MASP1: variants seen among roughly 807,000 people sequenced by gnomAD.
The protein encoded by MASP1 is mannan-binding lectin serine protease 1.
A neutral mutation model predicts 77.1 loss-of-function variants in MASP1; 59 were observed. The ratio of observed to expected loss-of-function variants is 0.77; its 90% CI spans 0.62 to 0.95. MASP1 has a LOEUF of 0.95. MASP1 is among the 40% of genes least tolerant of loss of function. MASP1 has a pLI of 0.00. For synonymous variants in MASP1, 362 were observed against 354.5 expected, an observed-to-expected ratio of 1.02 and a Z score of -0.24; for missense variants, 885 against 912.9, an observed-to-expected ratio of 0.97 and a Z score of 0.39.
intron 2 of MASP1, among the ~76,000 whole-genome samples, chr3:187,270,778 T>A (rs118029857): frequency 6.6e-6 from 1 of 152,154 alleles, no homozygotes; most frequent in Admixed American, 6.5e-5. Flanking sequence ...AGGGCAGAGA[T>A]GAACCATCTG....
At chr3:187,268,926 G>A (rs554609380) in intron 2 of MASP1, among the ~76,000 whole-genome samples, 1 of 152,066 alleles carries the variant, frequency 6.6e-6, no homozygotes, top group Non-Finnish European at 1.5e-5. Context: ...TTAGCTGGGC[G>A]TGGTGGTGTG....
intron 2 of MASP1, among the ~76,000 whole-genome samples, chr3:187,276,145 C>CTTG (rs375342303): frequency 4.3e-3 from 1 of 234 alleles, no homozygotes; most frequent in Non-Finnish European, 0.029. Flanking sequence ...CATGGCTAAC[C>CTTG]TTACCTGCTT....
chr3:187,245,616 A>T (rs114842084), intron 8 of MASP1, among the ~76,000 whole-genome samples: 1,871 of 152,274 alleles, frequency 0.012, 39 homozygotes, highest in South Asian at 0.088. Flanking sequence ...TCTCTGGGAC[A>T]TGGAAGTGAC....
chr3:187,270,266 C>T (rs1328862614), intron 2 of MASP1, among the ~76,000 whole-genome samples: 1 of 152,196 alleles, frequency 6.6e-6, no homozygotes, highest in Non-Finnish European at 1.5e-5. Context: ...CTCCTCAACT[C>T]ATCTGTGCAC....
At chr3:187,226,094 C>T (rs1712408990) in intron 12 of MASP1, 1 of 397,050 alleles carries the variant, frequency 2.5e-6, no homozygotes, top group Non-Finnish European at 4.8e-6. Context: ...GAGGGGAAAT[C>T]TGGATCGTAT....
At chr3:187,262,304 G>C (rs1187603907) in intron 3 of MASP1, among the ~76,000 whole-genome samples, 3 of 152,198 alleles carry the variant, frequency 2.0e-5, no homozygotes, top group Non-Finnish European at 2.9e-5. Context: ...GAATTATTTA[G>C]GAAGAAGTAT....
exon 16 of MASP1, chr3:187,219,433 T>C (rs3821801): frequency 0.64 from 98,892 of 154,124 alleles, 32,090 homozygotes; most frequent in East Asian, 0.87. Context: ...ATGTTCCTAG[T>C]TACATTTGCT....
downstream of MASP1, among the ~76,000 whole-genome samples, chr3:187,232,797 T>C (rs1242590441): frequency 6.6e-6 from 1 of 152,132 alleles, no homozygotes; most frequent in Non-Finnish European, 1.5e-5. Flanking sequence ...AAATTGGAAA[T>C]GTAATAGAAC....
chr3:187,228,814 G>C (rs983365062), intron 11 of MASP1, among the ~76,000 whole-genome samples: 1 of 152,188 alleles, frequency 6.6e-6, no homozygotes, highest in Non-Finnish European at 1.5e-5. Flanking sequence ...CTTTGGGTCT[G>C]AGAGAATGTA....
At chr3:187,247,908 G>C (rs1441540149) in intron 8 of MASP1, among the ~76,000 whole-genome samples, 1 of 152,168 alleles carries the variant, frequency 6.6e-6, no homozygotes, top group Non-Finnish European at 1.5e-5. Context: ...GCACAGAGCT[G>C]GGGCCACTGC....
At chr3:187,250,364 G>C (rs1377176775) in intron 7 of MASP1, 35 bp from the exon 8 acceptor site, 1 of 1,501,206 alleles carries the variant, frequency 6.7e-7, no homozygotes, top group Non-Finnish European at 9.3e-7. Flanking sequence ...GTGGGAAGAA[G>C]GAGGTGGGGG....
At position 187,241,193 on chromosome 3, in the gene MASP1, A is replaced by G. The variant is rs72550741; in HGVS notation, c.1303+288T>C. Among the ~76,000 whole-genome samples the G allele has an allele frequency of 2.6e-5, 4 of 152,186 alleles. No homozygotes were observed. The South Asian group carries it at 8.3e-4, about 32-fold the overall frequency. ...CCCACTTTTTAAATTTCCCCGGCAC[A>G]ACAGCAGATGCACATGCAAACTGTG... is the stretch of plus-strand genomic sequence containing the variant. On this transcript the variant is annotated intron_variant, in intron 10 of 10. Transcript: ENST00000296280.
chr3:187,237,113 A>AT (rs1560239919), intron 10 of MASP1, among the ~76,000 whole-genome samples: 1 of 152,196 alleles, frequency 6.6e-6, no homozygotes, highest in East Asian at 1.9e-4. Context: ...TCCATTTCCC[A>AT]TGTAACTCTG....
chr3:187,220,257 T>TC lies in MASP1; in HGVS notation c.1913dup (p.Asp640GlyfsTer6). 5 of 1,613,880 alleles carry TC rather than the reference T, an allele frequency of 3.1e-6. No homozygotes were observed. The highest frequency in any genetic ancestry group is 4.2e-6 in the Non-Finnish European group (5 of 1,179,948). On this transcript the variant is annotated frameshift_variant, in exon 16 of 16. Transcript: ENST00000337774. LOFTEE classifies it high-confidence loss of function. ...CAGAGTCACCCGCACAGGCGTCCTT[T>TC]CCCCCTAGGTGAAAAAGAGACATAG... is the stretch of plus-strand genomic sequence containing the variant.
chr3:187,220,308 C>T (rs1170480305), intron 15 of MASP1: 1 of 1,554,574 alleles, frequency 6.4e-7, no homozygotes, highest in African/African-American at 1.4e-5. Flanking sequence ...CCCTTCCCAG[C>T]CCAAGTCTCC....
exon 16 of MASP1, chr3:187,220,166 C>T (rs1287109920): frequency 6.2e-7 from 1 of 1,614,168 alleles, no homozygotes; most frequent in Non-Finnish European, 8.5e-7. Flanking sequence ...CAGTCATCAC[C>T]CCAGGACACA....
chr3:187,226,312 CGAGT>C, intron 12 of MASP1: 1 of 903,182 alleles, frequency 1.1e-6, no homozygotes, highest in African/African-American at 1.6e-5. Flanking sequence ...AATGAGTGAG[CGAGT>C]GAGTGAGCAG....
At chr3:187,256,992 C>T in intron 4 of MASP1, 132 bp from the exon 5 acceptor site, 1 of 770,486 alleles carries the variant, frequency 1.3e-6, no homozygotes, top group Non-Finnish European at 2.2e-6. Context: ...CTCCATTTTA[C>T]AGATGGGAAA....
chr3:187,231,813 A>G (rs1712783954), downstream of MASP1, among the ~76,000 whole-genome samples: 1 of 152,258 alleles, frequency 6.6e-6, no homozygotes, highest in African/African-American at 2.4e-5. Context: ...AGAATAAAAA[A>G]TTTGTAGGTT....
Sources: allele counts gnomAD v4.1 joint callset (sites outside exome capture counted in the v4.1 genomes callset), GRCh38; gene constraint gnomAD v4.1.1; transcripts MANE v1.5; gene names NCBI Gene and HGNC (gene_info 2026-07-23, HGNC 2026-07-21).